NRIP2: variants seen among roughly 807,000 people sequenced by gnomAD.
The protein encoded by NRIP2 is nuclear receptor-interacting protein 2.
A neutral mutation model predicts 34.1 loss-of-function variants in NRIP2; 27 were observed. The observed-to-expected ratio is 0.79, with a 90% CI of 0.58 to 1.09. NRIP2 has a LOEUF of 1.09. Among genes scored for constraint, NRIP2 ranks in the 50% least tolerant of loss-of-function variants. The pLI is 0.00. For synonymous variants in NRIP2, 145 were observed against 146.9 expected (o/e 0.99, Z 0.09); for missense variants, 385 against 352.6 (o/e 1.09, Z -0.74).
intron 2 of NRIP2, among the ~76,000 whole-genome samples, chr12:2,829,242 A>C (rs2097987203): frequency 6.6e-6 from 1 of 152,250 alleles, no homozygotes; most frequent in African/African-American, 2.4e-5. Context: ...AGATATGAGT[A>C]ACCAAGAAGT....
intron 1 of NRIP2, among the ~76,000 whole-genome samples, chr12:2,832,687 G>A (rs1168067057): frequency 6.7e-6 from 1 of 150,234 alleles, no homozygotes; most frequent in African/African-American, 2.5e-5. Flanking sequence ...TCCCCCATTA[G>A]CCTGGAGAGC....
At chr12:2,832,745 A>G (rs2098009963) in intron 1 of NRIP2, among the ~76,000 whole-genome samples, 1 of 147,736 alleles carries the variant, frequency 6.8e-6, no homozygotes, top group Non-Finnish European at 1.5e-5. Flanking sequence ...ATGGCTCAGC[A>G]TCTAGTAGGC....
Position 2,834,813 on chromosome 12 carries a change from G to A in NRIP2, c.171C>T (p.Ala57=), listed in dbSNP as rs139928974. 46 of 1,613,498 alleles carry A rather than the reference G, an allele frequency of 2.9e-5. No homozygotes were observed. In the African/African-American group the frequency reaches 4.3e-4, roughly 15 times the overall value. ...TCCTGGCTTCTCCCTCATCTCTCCT[G>A]GCCTCCTGCTTGGTGCTCATGGCCC... ...PAGAMSTKQE[A]RRDEGEARTR... Residue 57 remains alanine (A), a synonymous_variant, in exon 1 of 6, where the codon GCC becomes GCT. Coordinates refer to ENST00000337508, the MANE Select transcript of NRIP2 (RefSeq NM_031474.3).
At position 2,827,158 on chromosome 12, in the gene NRIP2, C is replaced by G; in HGVS notation, c.*49G>C. On this transcript the variant is annotated 3_prime_UTR_variant, in exon 6 of 6. Coordinates refer to ENST00000337508, the MANE Select transcript of NRIP2 (RefSeq NM_031474.3). The surrounding 1 kb of genome is among the most constrained non-coding windows in gnomAD (Gnocchi z 4.0). ...AAGAGCCCCCGTTCCCCACACGCCT[C>G]TTCTTCTAAGGCAAGGTCTTTCCCT... The G allele has an allele frequency of 6.2e-7, 1 of 1,613,028 alleles. No individual in the cohort carries two copies. The highest frequency in any genetic ancestry group is 8.5e-7 in the Non-Finnish European group (1 of 1,179,620).
At chr12:2,832,808 C>T (rs910862164) in intron 1 of NRIP2, among the ~76,000 whole-genome samples, 1 of 150,258 alleles carries the variant, frequency 6.7e-6, no homozygotes, top group Non-Finnish European at 1.5e-5. Context: ...CTATGCACCT[C>T]TCCACCTGCC....
intron 2 of NRIP2, chr12:2,830,500 A>G: frequency 3.9e-6 from 2 of 517,524 alleles, no homozygotes; most frequent in Non-Finnish European, 3.4e-6. Context: ...GGGCAGAGTA[A>G]TGGTGGTGAC....
At position 2,827,080 on chromosome 12, in the gene NRIP2, G is replaced by T. The variant is rs2097970939; in HGVS notation, c.*127C>A. 1.3e-6 allele frequency: 2 copies of T among 1,524,918 alleles called. No homozygotes were observed. The highest frequency in any genetic ancestry group is 1.7e-6 in the Non-Finnish European group (2 of 1,143,830). 94.5% of individuals were successfully genotyped at this position (1,524,918 alleles called of 1,614,324 possible). A position where few individuals can be genotyped will look rare whatever the true frequency, so the allele number is the denominator to read the frequency against. ...AGCTGGGGAAAATGGGACAGCAGGG[G>T]TCAGGGAGGTGATTGGAAGGGCAGA... On this transcript the variant is annotated 3_prime_UTR_variant, in exon 6 of 6. Transcript: ENST00000337508. This position sits in a 1 kb window ranked among gnomAD's most constrained non-coding sequence, Gnocchi z 4.0.
Position 2,827,306 on chromosome 12 carries a change from G to A in NRIP2, c.754-7C>T, listed in dbSNP as rs370809258. 1.2e-6 allele frequency: 2 copies of A among 1,611,470 alleles called. No individual in the cohort carries two copies. Among genetic ancestry groups the A allele is most frequent in the African/African-American group, 2.7e-5 (2 of 74,866 alleles). ...GCTCCAGGTCGATGCAGCACTGCGG[G>A]GTGTAGAGCAGTCATGCCAGGTCAC... On this transcript the variant is annotated splice_polypyrimidine_tract_variant and splice_region_variant and intron_variant, in intron 5 of 5. Transcript: ENST00000337508. This position sits in a 1 kb window ranked among gnomAD's most constrained non-coding sequence, Gnocchi z 4.0.
chr12:2,832,650 C>G (rs2098009502), intron 1 of NRIP2, among the ~76,000 whole-genome samples: 1 of 151,508 alleles, frequency 6.6e-6, no homozygotes, highest in African/African-American at 2.4e-5. Flanking sequence ...TTCCATGCTT[C>G]TCACAAATGT....
intron 1 of NRIP2, among the ~76,000 whole-genome samples, chr12:2,834,101 A>T (rs1453211048): frequency 6.6e-6 from 1 of 152,132 alleles, no homozygotes; most frequent in African/African-American, 2.4e-5. Flanking sequence ...GGTCCATTCC[A>T]CTCAGGAGTT....
At position 2,826,650 on chromosome 12, in the gene NRIP2, G is replaced by T. The variant is rs2097968679; in HGVS notation, c.*557C>A. 6.3e-6 allele frequency: 1 copy of T among 158,624 alleles called. No individual in the cohort carries two copies. The highest frequency in any genetic ancestry group is 2.4e-5 in the African/African-American group (1 of 41,470). 9.8% of individuals were successfully genotyped at this position (158,624 alleles called of 1,614,324 possible). On this transcript the variant is annotated 3_prime_UTR_variant, in exon 6 of 6. Coordinates refer to ENST00000337508, the MANE Select transcript of NRIP2 (RefSeq NM_031474.3). ...ATTCCTATACTAACTCCCGCTCTTT[G>T]TTGTATTGAATTCTGGCTGTTTCTT...
chr12:2,832,380 CA>C (rs1480551118), intron 1 of NRIP2, among the ~76,000 whole-genome samples: 1 of 152,060 alleles, frequency 6.6e-6, no homozygotes, highest in African/African-American at 2.4e-5. Context: ...CCGCTCATAC[CA>C]GGCCGCTTTT....
intron 2 of NRIP2, among the ~76,000 whole-genome samples, chr12:2,829,907 A>G (rs796337946): frequency 0.09 from 11,601 of 129,008 alleles, 5 homozygotes; most frequent in South Asian, 0.19. Flanking sequence ...GAGAAACCCC[A>G]TCTCTACTAA....
chr12:2,828,003 G>A lies in NRIP2; in HGVS notation c.623C>T (p.Pro208Leu), dbSNP rs757834706. 8.7e-6 allele frequency: 14 copies of A among 1,614,062 alleles called. No individual in the cohort carries two copies. Among genetic ancestry groups the A allele is most frequent in the Non-Finnish European group, 1.1e-5 (13 of 1,180,032 alleles). Residue 208 changes from proline to leucine, a missense_variant, in exon 4 of 6, where the codon CCT becomes CTT. By Grantham distance (98) the Pro-to-Leu change is moderately conservative (BLOSUM62 -3). Transcript: ENST00000337508. ...VLKASAGDLAPGPPTQVEQLE... is the reference protein window; with the variant it reads ...VLKASAGDLALGPPTQVEQLE... ...CTGCTCCACCTGGGTTGGGGGCCCA[G>A]GGGCCAGGTCCCCAGCTGAGGCTTT...
Position 2,826,414 on chromosome 12 carries a change from C to T in NRIP2, c.*793G>A, listed in dbSNP as rs1013601585. The stretch of plus-strand genomic sequence containing the variant: ...GTGACAACCTCACTGTCCTGTCTGC[C>T]TCACAGGAGCAGTTCTCTACAAGGC... On this transcript the variant is annotated 3_prime_UTR_variant, in exon 6 of 6. Coordinates refer to ENST00000337508, the MANE Select transcript of NRIP2 (RefSeq NM_031474.3). The T allele has an allele frequency of 2.6e-5, 4 of 151,856 alleles. No homozygotes were observed. Among genetic ancestry groups the T allele is most frequent in the African/African-American group, 7.3e-5 (3 of 41,332 alleles). 9.4% of individuals were successfully genotyped at this position (151,856 alleles called of 1,614,324 possible). A position where few individuals can be genotyped will look rare whatever the true frequency, so the allele number is the denominator to read the frequency against.
intron 2 of NRIP2, among the ~76,000 whole-genome samples, chr12:2,829,258 A>G (rs1302614793): frequency 6.6e-6 from 1 of 151,858 alleles, no homozygotes; most frequent in Non-Finnish European, 1.5e-5. Context: ...GAAGTTCGCT[A>G]TTGGAAACAA....
chr12:2,827,747 G>A lies in NRIP2; in HGVS notation c.701-70C>T, dbSNP rs946281180. The A allele has an allele frequency of 4.7e-5, 75 of 1,611,210 alleles. No individual in the cohort carries two copies. The highest frequency in any genetic ancestry group is 6.7e-5 in the East Asian group (3 of 44,902). ...GGTCACTGCTGCCCTCCTCTTAGCCGTTGCTCCTTCTCTGCCCACCCCATC... is the reference window on the plus strand; with the variant it reads ...GGTCACTGCTGCCCTCCTCTTAGCCATTGCTCCTTCTCTGCCCACCCCATC... On this transcript the variant is annotated intron_variant, in intron 4 of 5. Coordinates refer to ENST00000337508, the MANE Select transcript of NRIP2 (RefSeq NM_031474.3). This position sits in a 1 kb window ranked among gnomAD's most constrained non-coding sequence, Gnocchi z 4.0.
intron 1 of NRIP2, among the ~76,000 whole-genome samples, chr12:2,833,678 C>G (rs11062372): frequency 0.15 from 23,101 of 152,028 alleles, 1,894 homozygotes; most frequent in South Asian, 0.33. Context: ...CTCTCTTCCA[C>G]GGGTCAGAGG....
chr12:2,828,132 G>A (rs11062370), intron 3 of NRIP2, 85 bp from the exon 4 acceptor site: 194,735 of 1,345,540 alleles, frequency 0.14, 16,104 homozygotes, highest in South Asian at 0.31. Context: ...TCTCTACTAT[G>A]GTTTCATCTC....
Sources: gnomAD v4.1 joint callset for allele counts (sites outside exome capture counted in the v4.1 genomes callset) on GRCh38, gnomAD v4.1.1 for gene constraint, Gnocchi (gnomAD v3.1) non-coding constraint, MANE v1.5 for transcripts, NCBI Gene and HGNC (gene_info 2026-07-23, HGNC 2026-07-21) for gene names.